The following CATSPERE variants were observed in gnomAD, a reference collection of about 807,000 sequenced individuals.
The protein encoded by CATSPERE is cation channel sperm-associated auxiliary subunit epsilon.
A neutral mutation model predicts 114.1 loss-of-function variants in CATSPERE; 93 were observed. That is an observed-to-expected ratio of 0.81 (90% confidence interval 0.69 to 0.97). The LOEUF is 0.97. CATSPERE is among the 50% of genes least tolerant of loss of function. The probability of loss-of-function intolerance (pLI) is 0.00; values close to 1 mark genes in which losing one functional copy is unlikely to be tolerated. For synonymous variants in CATSPERE, 341 were observed against 384.1 expected (o/e 0.89, Z 1.31); for missense variants, 1,058 against 1,131.6 (o/e 0.93, Z 0.93).
chr1:244,558,106 A>G (rs1345589936), intron 9 of CATSPERE, among the ~76,000 whole-genome samples: 2 of 145,642 alleles, frequency 1.4e-5, no homozygotes, highest in African/African-American at 5.1e-5. Flanking sequence ...ATGAGCCACC[A>G]TGCCCAGGCC....
chr1:244,456,250 G>A (rs926501553), intron 1 of CATSPERE, among the ~76,000 whole-genome samples: 2 of 151,988 alleles, frequency 1.3e-5, no homozygotes, highest in African/African-American at 2.4e-5. Context: ...AGTGTAAAGC[G>A]GCACCCTTAA....
chr1:244,579,449 C>T (rs1222596962), intron 11 of CATSPERE, among the ~76,000 whole-genome samples: 3 of 152,024 alleles, frequency 2.0e-5, no homozygotes, highest in African/African-American at 4.8e-5. Context: ...ACTCGTGAAA[C>T]ACCTTTTTCT....
intron 2 of CATSPERE, among the ~76,000 whole-genome samples, chr1:244,472,366 TATCTA>T (rs1558318520): frequency 6.6e-6 from 1 of 152,250 alleles, no homozygotes; most frequent in Non-Finnish European, 1.5e-5. Context: ...AATTCTACCT[TATCTA>T]ATATCAGAGT....
Position 244,543,937 on chromosome 1 carries a change from TAC to T in CATSPERE, c.537-8383_537-8382del, listed in dbSNP as rs529569720. Among the ~76,000 whole-genome samples the T allele has an allele frequency of 1.1e-4, 17 of 152,150 alleles. No individual in the cohort carries two copies. The South Asian group carries it at 3.5e-3, about 32-fold the overall frequency. On this transcript the variant is annotated intron_variant, in intron 8 of 21. Transcript: ENST00000366534. ...ATGGCTCCTCTCTTAAATATTAGTGTACAGTGAAGGACCACCAGAAAATTACA... is the reference window on the plus strand; with the variant it reads ...ATGGCTCCTCTCTTAAATATTAGTGTAGTGAAGGACCACCAGAAAATTACA...
intron 7 of CATSPERE, chr1:244,515,405 A>C (rs1199993886): frequency 1.4e-6 from 1 of 735,644 alleles, no homozygotes; most frequent in African/African-American, 1.9e-5. Context: ...GCAGCAGTGT[A>C]GTTTTGAACA....
At chr1:244,511,560 T>C in intron 7 of CATSPERE, among the ~76,000 whole-genome samples, 1 of 152,236 alleles carries the variant, frequency 6.6e-6, no homozygotes, top group African/African-American at 2.4e-5. Context: ...TCTCTCTTAT[T>C]GTTTATCATT....
upstream of CATSPERE, among the ~76,000 whole-genome samples, chr1:244,458,516 T>C (rs1254621830): frequency 3.9e-5 from 6 of 152,158 alleles, no homozygotes; most frequent in African/African-American, 1.4e-4. Context: ...AAAATTGTGC[T>C]ATTGGAATGG....
At chr1:244,460,402 T>C (rs1666575405), upstream of CATSPERE, among the ~76,000 whole-genome samples, 1 of 152,126 alleles carries the variant, frequency 6.6e-6, no homozygotes, top group Non-Finnish European at 1.5e-5. Flanking sequence ...TCTGATCTTG[T>C]GGCCCCACCC....
In CATSPERE at chr1:244,560,970, T is replaced by C; in HGVS notation, c.1332T>C (p.Ser444=). Residue 444 remains serine, a synonymous_variant, in exon 10 of 22, where the codon AGT becomes AGC. Coordinates refer to ENST00000366534, the MANE Select transcript of CATSPERE (RefSeq NM_001130957.2). The part of the protein sequence containing the change: ...QDFTLDAPID[S]VTMPHFTFSA... ...TTACATTAGATGCCCCTATTGACAGTGTTACCATGCCACATTTTACATTTT... is the reference window on the plus strand; with the variant it reads ...TTACATTAGATGCCCCTATTGACAGCGTTACCATGCCACATTTTACATTTT... 6.2e-7 allele frequency: 1 copy of C among 1,614,132 alleles called. No homozygotes were observed. The highest frequency in any genetic ancestry group is 8.5e-7 in the Non-Finnish European group (1 of 1,180,004).
In CATSPERE at chr1:244,611,453, G is replaced by A. The variant is rs146324432; in HGVS notation, c.2490+1127G>A. On this transcript the variant is annotated intron_variant, in intron 19 of 21. Transcript: ENST00000366534. ...AAAATTAAAAAAAAAAAATGAGCTG[G>A]GCCTGGTGGTGCATGCCTGTAGTCC... Among the ~76,000 whole-genome samples, 315 of 151,938 alleles carry A rather than the reference G, an allele frequency of 2.1e-3. 2 individuals are homozygous for A. The highest frequency in any genetic ancestry group is 7.2e-3 in the African/African-American group (297 of 41,418).
chr1:244,639,930 C>G lies in CATSPERE; in HGVS notation c.2705C>G (p.Pro902Arg), dbSNP rs1382229992. 5 of 1,534,082 alleles carry G rather than the reference C, an allele frequency of 3.3e-6. No homozygotes were observed. The highest frequency in any genetic ancestry group is 4.4e-6 in the Non-Finnish European group (5 of 1,141,468). ...AIETFGLIPS[P>R]SVYLVASFLF... ...TTTTTTTTTTTTTCTGATTTCAGTC[C>G]AAGTGTCTACCTGGTAGCTTCTTTC... is the stretch of plus-strand genomic sequence containing the variant. The change falls in exon 22 of 22, where the codon CCA becomes CGA. Residue 902 changes from proline (P) to arginine (R), a missense_variant and splice_region_variant. Around this residue, in one of 2 missense-constraint regions of CATSPERE, gnomAD observed 787 missense variants for 905.6 expected, o/e 0.87. Coordinates refer to ENST00000366534, the MANE Select transcript of CATSPERE (RefSeq NM_001130957.2).
At chr1:244,522,751 C>A (rs1467387776) in intron 8 of CATSPERE, among the ~76,000 whole-genome samples, 1 of 152,134 alleles carries the variant, frequency 6.6e-6, no homozygotes, top group Non-Finnish European at 1.5e-5. Context: ...TGGATAAATT[C>A]CTCGACACAT....
chr1:244,475,537 A>ATTT (rs35023936), intron 2 of CATSPERE, among the ~76,000 whole-genome samples: 10 of 117,136 alleles, frequency 8.5e-5, no homozygotes, highest in Non-Finnish European at 1.2e-4. Context: ...CCTGGCCACA[A>ATTT]TTTTTTTTTT....
At chr1:244,548,341 C>T (rs1209103266) in intron 8 of CATSPERE, among the ~76,000 whole-genome samples, 1 of 152,186 alleles carries the variant, frequency 6.6e-6, no homozygotes, top group Non-Finnish European at 1.5e-5. Flanking sequence ...GCTGACCTGG[C>T]TATGGCCATC....
rs1489949043 is a variant in CATSPERE at position 244,462,241 on chromosome 1, A to AAACATGTTTCATTAAAAAAT, written c.65+747_65+748insAACATGTTTCATTAAAAAAT. ...AACAGTGCCCTTTTCATTAAAAAATAGCACATGTCCATCTGCACACCCCAC... is the reference window on the plus strand; with the variant it reads ...AACAGTGCCCTTTTCATTAAAAAATAAACATGTTTCATTAAAAAATGCACATGTCCATCTGCACACCCCAC... On this transcript the variant is annotated intron_variant, in intron 1 of 21. Coordinates refer to ENST00000366534, the MANE Select transcript of CATSPERE (RefSeq NM_001130957.2). 5.9e-5 allele frequency among the ~76,000 whole-genome samples: 9 copies of AAACATGTTTCATTAAAAAAT among 152,364 alleles called. 1 individual carries two copies. Among genetic ancestry groups the AAACATGTTTCATTAAAAAAT allele is most frequent in the Non-Finnish European group, 1.3e-4 (9 of 68,038 alleles).
chr1:244,490,847 A>C (rs957568293), intron 6 of CATSPERE, among the ~76,000 whole-genome samples: 1 of 152,200 alleles, frequency 6.6e-6, no homozygotes, highest in African/African-American at 2.4e-5. Flanking sequence ...TTTCATAAAA[A>C]TACGTTAATT....
chr1:244,575,895 C>T lies in CATSPERE; in HGVS notation c.1950+3123C>T, dbSNP rs998005940. On this transcript the variant is annotated intron_variant, in intron 11 of 21. Transcript: ENST00000366534. The surrounding 1 kb of genome is among the most constrained non-coding windows in gnomAD (Gnocchi z 4.5). Reference sequence around the variant, plus strand: ...TCTCCCTAATGGGGATTTTTCACCTCTTTTTAACCTCTAAGACACCCTAAG... The same window carrying T: ...TCTCCCTAATGGGGATTTTTCACCTTTTTTTAACCTCTAAGACACCCTAAG... Among the ~76,000 whole-genome samples the T allele has an allele frequency of 7.9e-5, 12 of 152,152 alleles. No individual in the cohort carries two copies. The highest frequency in any genetic ancestry group is 2.9e-4 in the African/African-American group (12 of 41,518).
intron 2 of CATSPERE, among the ~76,000 whole-genome samples, chr1:244,473,924 C>T (rs1668862483): frequency 6.6e-6 from 1 of 152,032 alleles, no homozygotes; most frequent in African/African-American, 2.4e-5. Context: ...TATTTAGAAA[C>T]GTTTGTATTT....
At chr1:244,589,179 A>G (rs1024713231) in intron 14 of CATSPERE, among the ~76,000 whole-genome samples, 1 of 152,226 alleles carries the variant, frequency 6.6e-6, no homozygotes, top group Admixed American at 6.5e-5. Context: ...GGCTAAATGT[A>G]TAACAGAGAC....
Sources: allele counts gnomAD v4.1 joint callset (sites outside exome capture counted in the v4.1 genomes callset), GRCh38; gene constraint gnomAD v4.1.1; regional missense constraint gnomAD v4.1.1; non-coding constraint Gnocchi (gnomAD v3.1); transcripts MANE v1.5; gene names NCBI Gene and HGNC (gene_info 2026-07-23, HGNC 2026-07-21).